The following STAMBP variants were observed in gnomAD, a reference collection of about 807,000 sequenced individuals.
STAMBP encodes the protein STAM-binding protein.
STAMBP carries 31 observed loss-of-function variants against 50.7 expected under a neutral mutation model. The observed-to-expected ratio is 0.61, with a 90% CI of 0.46 to 0.83. The LOEUF (loss-of-function observed/expected upper bound fraction) is 0.83. Ranked by LOEUF, STAMBP falls within the 40% of genes least tolerant of loss-of-function variation. The pLI is 0.00. For synonymous variants in STAMBP, 211 were observed against 192.4 expected (o/e 1.10, Z -0.80); for missense variants, 472 against 518.9 (o/e 0.91, Z 0.88).
chr2:73,859,429 G>A (rs1412397079), intron 8 of STAMBP, 63 bp downstream of exon 8: 12 of 1,285,588 alleles, frequency 9.3e-6, no homozygotes, highest in South Asian at 3.6e-5. Context: ...AGCCTCAGGG[G>A]AAAAGGTCTC....
chr2:73,846,928 A>G (rs1676160992), intron 4 of STAMBP, among the ~76,000 whole-genome samples: 1 of 151,966 alleles, frequency 6.6e-6, no homozygotes, highest in Admixed American at 6.6e-5. Context: ...CAAAAAATAC[A>G]AAAATTAGCC....
At chr2:73,848,104 T>A (rs1353997480) in intron 5 of STAMBP, among the ~76,000 whole-genome samples, 1 of 152,164 alleles carries the variant, frequency 6.6e-6, no homozygotes, top group Non-Finnish European at 1.5e-5. Context: ...CTTTGTTACC[T>A]CTCTAGCAAT....
rs890557787 is a variant in STAMBP, at chr2:73,829,231, T to C, written c.-292T>C. ...GAAAGATCCCGAAAACCCTGGATGA[T>C]TGTGCCTGGGGTTGGCAAGTTCGTC... is the stretch of plus-strand genomic sequence containing the variant. On this transcript the variant is annotated 5_prime_UTR_variant, in exon 1 of 10. Transcript: ENST00000394070. 4.6e-5 allele frequency: 7 copies of C among 152,260 alleles called. No homozygotes were observed. Among genetic ancestry groups the C allele is most frequent in the Non-Finnish European group, 1.0e-4 (7 of 68,098 alleles). 9.4% of individuals were successfully genotyped at this position (152,260 alleles called of 1,614,324 possible). A position where few individuals can be genotyped will look rare whatever the true frequency, so the allele number is the denominator to read the frequency against.
At position 73,847,098 on chromosome 2, in the gene STAMBP, A is replaced by AG. The variant is rs58832806; in HGVS notation, c.376-288dup. 4.0e-5 allele frequency among the ~76,000 whole-genome samples: 6 copies of AG among 151,604 alleles called. No homozygotes were observed. In the South Asian group the frequency reaches 1.0e-3, roughly 26 times the overall value. Reference sequence around the variant, plus strand: ...CCCTGTCTCAAAAAAAAAAAAAAAAAGATTTCAGTGAAGAGGAAAGTGCAT... The same window carrying AG: ...CCCTGTCTCAAAAAAAAAAAAAAAAAGGATTTCAGTGAAGAGGAAAGTGCAT... On this transcript the variant is annotated intron_variant, in intron 4 of 9. Transcript: ENST00000394070.
At chr2:73,871,473 G>C (rs1008956745), downstream of STAMBP, among the ~76,000 whole-genome samples, 1 of 151,836 alleles carries the variant, frequency 6.6e-6, no homozygotes, top group Non-Finnish European at 1.5e-5. Flanking sequence ...ACTTGAACCC[G>C]GGAGGCAGAG....
chr2:73,853,139 G>A (rs149735428), intron 7 of STAMBP, among the ~76,000 whole-genome samples: 35 of 152,142 alleles, frequency 2.3e-4, no homozygotes, highest in African/African-American at 7.5e-4. Context: ...GACTCGGATC[G>A]GCCTGGATTT....
At chr2:73,857,270 T>C (rs999853282) in intron 7 of STAMBP, among the ~76,000 whole-genome samples, 3 of 152,178 alleles carry the variant, frequency 2.0e-5, no homozygotes, top group African/African-American at 7.2e-5. Context: ...GCTCTGCGCC[T>C]ACAGTCCTTC....
chr2:73,867,154 A>C lies in STAMBP; in HGVS notation c.*4895A>C, dbSNP rs1678979729. On this transcript the variant is annotated 3_prime_UTR_variant, in exon 10 of 10. Transcript: ENST00000394070. ...ATGAATAAATGCACAGACTTGTCCA[A>C]AATCATCCAATTAATAAATGGTAAG... is the stretch of plus-strand genomic sequence containing the variant. 6.6e-6 allele frequency: 1 copy of C among 152,258 alleles called. No homozygotes were observed. The highest frequency in any genetic ancestry group is 1.5e-5 in the Non-Finnish European group (1 of 68,038). 9.4% of individuals were successfully genotyped at this position (152,258 alleles called of 1,614,324 possible).
At chr2:73,831,473 T>G (rs1475107486) in intron 2 of STAMBP, among the ~76,000 whole-genome samples, 1 of 152,208 alleles carries the variant, frequency 6.6e-6, no homozygotes, top group Admixed American at 6.5e-5. Flanking sequence ...GGAAAAAATT[T>G]TTTCCTCTTA....
intron 2 of STAMBP, among the ~76,000 whole-genome samples, chr2:73,841,377 A>T (rs1446205512): frequency 6.6e-6 from 1 of 152,006 alleles, no homozygotes; most frequent in African/African-American, 2.4e-5. Context: ...TTTATTAGTT[A>T]AAAAAAATCA....
At chr2:73,843,264 CA>C (rs1419748141) in intron 2 of STAMBP, among the ~76,000 whole-genome samples, 2 of 145,470 alleles carry the variant, frequency 1.4e-5, no homozygotes, top group Non-Finnish European at 3.0e-5. Context: ...GTGGTGTGAT[CA>C]AAGCTCACTG....
chr2:73,851,362 AT>A (rs776034856), intron 7 of STAMBP, among the ~76,000 whole-genome samples: 23 of 152,332 alleles, frequency 1.5e-4, no homozygotes, highest in Admixed American at 3.9e-4. Flanking sequence ...GTAAGGTATG[AT>A]TTTAGCCTCA....
downstream of STAMBP, among the ~76,000 whole-genome samples, chr2:73,871,751 C>G (rs1339456330): frequency 6.6e-6 from 1 of 152,014 alleles, no homozygotes; most frequent in Non-Finnish European, 1.5e-5. Flanking sequence ...AGCCTATTGC[C>G]TTGGTAAACT....
chr2:73,861,719 G>C (rs1224797705), intron 9 of STAMBP, among the ~76,000 whole-genome samples: 1 of 147,894 alleles, frequency 6.8e-6, no homozygotes, highest in East Asian at 2.0e-4. Flanking sequence ...AGTAGGGTCA[G>C]GGTTTCACCA....
At chr2:73,843,902 A>C (rs1233142095) in intron 2 of STAMBP, among the ~76,000 whole-genome samples, 2 of 152,208 alleles carry the variant, frequency 1.3e-5, no homozygotes, top group Non-Finnish European at 2.9e-5. Context: ...ATTACAACTT[A>C]ATTCTGTTAA....
chr2:73,848,800 G>A (rs1676444821), intron 5 of STAMBP, among the ~76,000 whole-genome samples: 1 of 152,164 alleles, frequency 6.6e-6, no homozygotes, highest in African/African-American at 2.4e-5. Flanking sequence ...CAGCAGGGAG[G>A]TTATTTTTTT....
rs3980653 is a variant in STAMBP at position 73,843,420 on chromosome 2, G to GTA, written c.204-1380_204-1379dup. On this transcript the variant is annotated intron_variant, in intron 2 of 9. Transcript: ENST00000394070. ...TGTTTGTGTATGTATATATATATAT[G>GTA]TATATATATATATAAATTAAAAAAT... is the stretch of plus-strand genomic sequence containing the variant. Among the ~76,000 whole-genome samples, 110 of 112,350 alleles carry GTA rather than the reference G, an allele frequency of 9.8e-4. 3 individuals carry two copies. Among genetic ancestry groups the GTA allele is most frequent in the South Asian group, 1.6e-3 (5 of 3,164 alleles). The allele number at this position is 112,350 out of a possible 152,430, so 73.7% of individuals were successfully genotyped here.
chr2:73,869,716 A>G (rs1679125956), downstream of STAMBP, among the ~76,000 whole-genome samples: 1 of 151,816 alleles, frequency 6.6e-6, no homozygotes, highest in Non-Finnish European at 1.5e-5. Flanking sequence ...CCTAAAACTT[A>G]AAGTATAATA....
At chr2:73,867,879 C>CT (rs1300113389), downstream of STAMBP, among the ~76,000 whole-genome samples, 1 of 151,594 alleles carries the variant, frequency 6.6e-6, no homozygotes, top group East Asian at 1.9e-4. Context: ...AATCCCAGCA[C>CT]TTTAGGAGGC....
Sources: gnomAD v4.1 joint callset for allele counts (sites outside exome capture counted in the v4.1 genomes callset) on GRCh38, gnomAD v4.1.1 for gene constraint, MANE v1.5 for transcripts, NCBI Gene and HGNC (gene_info 2026-07-23, HGNC 2026-07-21) for gene names.